Variants in NDFIP2 observed in about 807,000 individuals in gnomAD.
NDFIP2 encodes Nedd4 family interacting protein 2, also known as NEDD4 family-interacting protein 2.
A neutral mutation model predicts 36.0 loss-of-function variants in NDFIP2; 19 were observed. That is an observed-to-expected ratio of 0.53 (90% confidence interval 0.37 to 0.77). The LOEUF (loss-of-function observed/expected upper bound fraction) is 0.77, where lower values mean the gene tolerates loss of function less well. Among genes scored for constraint, NDFIP2 ranks in the 30% least tolerant of loss-of-function variants. The pLI is 0.00. For synonymous variants in NDFIP2, 181 were observed against 167.7 expected, an observed-to-expected ratio of 1.08 and a Z score of -0.61; for missense variants, 446 against 435.8, an observed-to-expected ratio of 1.02 and a Z score of -0.21.
chr13:79,498,084 G>T (rs917602942), intron 1 of NDFIP2, among the ~76,000 whole-genome samples: 13 of 151,818 alleles, frequency 8.6e-5, no homozygotes, highest in Admixed American at 4.0e-4. Flanking sequence ...ACTCATAAAG[G>T]TGAATTTGTG....
intron 1 of NDFIP2, among the ~76,000 whole-genome samples, chr13:79,484,948 G>A (rs1333385887): frequency 1.3e-5 from 2 of 152,108 alleles, no homozygotes; most frequent in Non-Finnish European, 2.9e-5. Context: ...GTAAAGACTG[G>A]TACATGATAA....
At chr13:79,481,574 T>C in intron 1 of NDFIP2, 50 bp downstream of exon 1, 1 of 1,497,262 alleles carries the variant, frequency 6.7e-7, no homozygotes, top group Non-Finnish European at 8.9e-7. Context: ...CGCCGCGGCG[T>C]CCCGAGAGTC....
At chr13:79,536,867 G>GA (rs966576462) in intron 3 of NDFIP2, among the ~76,000 whole-genome samples, 52 of 144,588 alleles carry the variant, frequency 3.6e-4, no homozygotes, top group African/African-American at 6.8e-4. Flanking sequence ...CCACTAAAAA[G>GA]AAAAAAAAAA....
chr13:79,489,403 C>T (rs1216962871), intron 1 of NDFIP2, among the ~76,000 whole-genome samples: 1 of 152,188 alleles, frequency 6.6e-6, no homozygotes, highest in Non-Finnish European at 1.5e-5. Flanking sequence ...CTTGGAAATT[C>T]ATAATGTCAT....
chr13:79,548,205 C>T, intron 5 of NDFIP2, 123 bp from the exon 6 acceptor site: 3 of 749,662 alleles, frequency 4.0e-6, no homozygotes, highest in East Asian at 2.7e-5. Flanking sequence ...TTTTATTTTT[C>T]CTTTGTGCCA....
chr13:79,503,801 T>A (rs1014685319), intron 1 of NDFIP2, among the ~76,000 whole-genome samples: 1 of 152,206 alleles, frequency 6.6e-6, no homozygotes, highest in Non-Finnish European at 1.5e-5. Flanking sequence ...TCACTGGGAA[T>A]AATTTGGACT....
chr13:79,514,362 G>A (rs1874195134), intron 1 of NDFIP2, among the ~76,000 whole-genome samples: 1 of 152,022 alleles, frequency 6.6e-6, no homozygotes. Context: ...GTACTTTGGG[G>A]GACTTACTTT....
Position 79,520,965 on chromosome 13 carries a change from T to C in NDFIP2, c.477T>C (p.Pro159=), listed in dbSNP as rs773391730. 1 of 1,596,250 alleles carries C rather than the reference T, an allele frequency of 6.3e-7. No homozygotes were observed. Among genetic ancestry groups the C allele is most frequent in the Non-Finnish European group, 8.5e-7 (1 of 1,170,404 alleles). Residue 159 remains proline (P), a synonymous_variant, in exon 2 of 8, where the codon CCT becomes CCC. Coordinates refer to ENST00000218652, the MANE Select transcript of NDFIP2 (RefSeq NM_019080.3). ...ATAGTAGTATTACTGTGGAAGTACC[T>C]ACAACTTCAGGTATGAAACATCTAG... is the stretch of plus-strand genomic sequence containing the variant. ...PPYSSITVEV[P]TTSDTEVYGE...
intron 2 of NDFIP2, among the ~76,000 whole-genome samples, chr13:79,530,125 G>A (rs1230249114): frequency 6.6e-6 from 1 of 152,148 alleles, no homozygotes; most frequent in Non-Finnish European, 1.5e-5. Context: ...GGTGGTTGCT[G>A]AATATTGGGG....
intron 5 of NDFIP2, among the ~76,000 whole-genome samples, chr13:79,545,085 CT>C (rs1875612548): frequency 6.6e-6 from 1 of 151,948 alleles, no homozygotes; most frequent in African/African-American, 2.4e-5. Flanking sequence ...TTAAAAAAAC[CT>C]CAAAGTTGGG....
At chr13:79,532,813 C>CTTAAATG (rs1875068234) in intron 2 of NDFIP2, among the ~76,000 whole-genome samples, 1 of 152,168 alleles carries the variant, frequency 6.6e-6, no homozygotes, top group African/African-American at 2.4e-5. Context: ...GTGTCTGCCA[C>CTTAAATG]TTAAATGTTT....
intron 1 of NDFIP2, among the ~76,000 whole-genome samples, chr13:79,518,095 ATAAT>A (rs1874421778): frequency 6.6e-6 from 1 of 152,202 alleles, no homozygotes; most frequent in Non-Finnish European, 1.5e-5. Context: ...TCAGTTAAAG[ATAAT>A]TAAGTGAGGA....
chr13:79,514,886 A>G (rs1874218607), intron 1 of NDFIP2, among the ~76,000 whole-genome samples: 1 of 152,198 alleles, frequency 6.6e-6, no homozygotes, highest in Non-Finnish European at 1.5e-5. Flanking sequence ...TTTGGTTACA[A>G]TTCCAGATTA....
chr13:79,524,061 C>A (rs1442233394), intron 2 of NDFIP2, among the ~76,000 whole-genome samples: 1 of 152,170 alleles, frequency 6.6e-6, no homozygotes, highest in Non-Finnish European at 1.5e-5. Context: ...ATGTCCGTGC[C>A]ATTTGAAACA....
intron 1 of NDFIP2, among the ~76,000 whole-genome samples, chr13:79,495,011 T>G (rs928454175): frequency 1.3e-5 from 2 of 151,908 alleles, no homozygotes; most frequent in African/African-American, 4.8e-5. Flanking sequence ...CCTTATTTAT[T>G]TACTGTTTTT....
intron 2 of NDFIP2, among the ~76,000 whole-genome samples, chr13:79,530,569 C>G (rs1874976773): frequency 6.6e-6 from 1 of 152,238 alleles, no homozygotes; most frequent in Non-Finnish European, 1.5e-5. Context: ...TCAATTCTCT[C>G]AATCCCTGCC....
chr13:79,521,330 G>A (rs1189855309), intron 2 of NDFIP2, among the ~76,000 whole-genome samples: 1 of 151,980 alleles, frequency 6.6e-6, no homozygotes, highest in African/African-American at 2.4e-5. Flanking sequence ...TCTTATTCAG[G>A]TCACTCTAAA....
intron 2 of NDFIP2, among the ~76,000 whole-genome samples, chr13:79,521,567 T>G (rs944051753): frequency 6.6e-6 from 1 of 152,160 alleles, no homozygotes; most frequent in African/African-American, 2.4e-5. Context: ...AAAAATCAGT[T>G]ACTGAAAAAT....
chr13:79,505,609 A>G (rs1287828894), intron 1 of NDFIP2, among the ~76,000 whole-genome samples: 3 of 151,950 alleles, frequency 2.0e-5, no homozygotes, highest in Admixed American at 2.0e-4. Context: ...AGCCTGGGCA[A>G]CAGAGAAAGA....
Sources: allele counts gnomAD v4.1 joint callset (sites outside exome capture counted in the v4.1 genomes callset), GRCh38; gene constraint gnomAD v4.1.1; transcripts MANE v1.5; gene names NCBI Gene and HGNC (gene_info 2026-07-23, HGNC 2026-07-21).